Variants in AHCY observed in about 807,000 individuals in gnomAD.
AHCY encodes the protein S-adenosyl-L-homocysteine hydrolase.
AHCY carries 24 observed loss-of-function variants against 45.4 expected under a neutral mutation model. The observed-to-expected ratio is 0.53, with a 90% CI of 0.38 to 0.74. The LOEUF is 0.74. Ranked by LOEUF, AHCY falls within the 30% of genes least tolerant of loss-of-function variation. The pLI, the probability that AHCY is intolerant of heterozygous loss-of-function variation, is 0.00. For missense variants in AHCY, 449 were observed against 594.1 expected (o/e 0.76, Z 2.54); for synonymous variants, 245 against 235.1 (o/e 1.04, Z -0.39).
At chr20:34,305,352 A>ACT (rs1176247420), upstream of AHCY, among the ~76,000 whole-genome samples, 4 of 151,988 alleles carry the variant, frequency 2.6e-5, no homozygotes, top group South Asian at 2.1e-4. Flanking sequence ...AATAAGAATT[A>ACT]AGGTCTTCTA....
chr20:34,283,137 C>G (rs1601637697), intron 9 of AHCY, among the ~76,000 whole-genome samples: 1 of 152,230 alleles, frequency 6.6e-6, no homozygotes, highest in Non-Finnish European at 1.5e-5. Flanking sequence ...CCAACCCCCA[C>G]AGTACACATT....
the AHCY span, among the ~76,000 whole-genome samples, chr20:34,239,471 C>T: frequency 6.6e-6 from 1 of 152,198 alleles, no homozygotes; most frequent in Non-Finnish European, 1.5e-5. Context: ...CCCACCTCGG[C>T]CTCCCAATCA....
chr20:34,258,760 G>GAT, the AHCY span, among the ~76,000 whole-genome samples: 1 of 70,316 alleles, frequency 1.4e-5, no homozygotes, highest in Non-Finnish European at 2.7e-5. Context: ...TATAATATAT[G>GAT]ATATATATAA....
At chr20:34,246,414 A>G in the AHCY span, 2 of 1,367,010 alleles carry the variant, frequency 1.5e-6, no homozygotes, top group South Asian at 1.2e-5. Flanking sequence ...ATATATTCAC[A>G]GTACTCTGTT....
chr20:34,308,570 T>C (rs2036917693), intron 1 of AHCY, among the ~76,000 whole-genome samples: 1 of 152,046 alleles, frequency 6.6e-6, no homozygotes, highest in African/African-American at 2.4e-5. Flanking sequence ...AAATTTTTTT[T>C]AAGTATTTGA....
At chr20:34,243,930 T>C in the AHCY span, among the ~76,000 whole-genome samples, 1 of 152,050 alleles carries the variant, frequency 6.6e-6, no homozygotes, top group Non-Finnish European at 1.5e-5. Flanking sequence ...CCGGGCGTGG[T>C]GGCGGGCGCC....
chr20:34,267,952 T>TC, the AHCY span, among the ~76,000 whole-genome samples: 1 of 151,614 alleles, frequency 6.6e-6, no homozygotes, highest in Non-Finnish European at 1.5e-5. Context: ...AATAATTTAT[T>TC]TTTGTTGTGC....
rs78781944 is a variant in AHCY, at chr20:34,299,606, T to C, written c.28+3637A>G. Among the ~76,000 whole-genome samples the C allele has an allele frequency of 5.8e-4, 89 of 152,280 alleles. 4 individuals carry two copies. The East Asian group carries it at 0.017, about 29-fold the overall frequency. ...CCAGCCCAAACTACTCCCCTGAACTTGAGACTCGATGTGATCCAACTGCCT... is the reference window on the plus strand; with the variant it reads ...CCAGCCCAAACTACTCCCCTGAACTCGAGACTCGATGTGATCCAACTGCCT... On this transcript the variant is annotated intron_variant, in intron 1 of 9. Transcript: ENST00000217426.
intron 1 of AHCY, among the ~76,000 whole-genome samples, chr20:34,297,694 C>T (rs1051020537): frequency 6.6e-6 from 1 of 152,198 alleles, no homozygotes; most frequent in African/African-American, 2.4e-5. Flanking sequence ...CTACTCTCCT[C>T]AACCCTCCAA....
chr20:34,290,711 C>T lies in AHCY; in HGVS notation c.766+20G>A. On this transcript the variant is annotated intron_variant, in intron 6 of 9. Coordinates refer to ENST00000217426, the MANE Select transcript of AHCY (RefSeq NM_000687.4). The surrounding 1 kb of genome is among the most constrained non-coding windows in gnomAD (Gnocchi z 4.5). ...CCCTCTGGCCCCAGTGGCTGACAAC[C>T]AACCCTTGCCCTATCCTACCCTCCA... is the stretch of plus-strand genomic sequence containing the variant. The T allele has an allele frequency of 6.2e-7, 1 of 1,613,776 alleles. No individual in the cohort carries two copies. Among genetic ancestry groups the T allele is most frequent in the Admixed American group, 1.7e-5 (1 of 60,024 alleles).
chr20:34,249,582 A>G, the AHCY span, among the ~76,000 whole-genome samples: 7 of 152,160 alleles, frequency 4.6e-5, no homozygotes, highest in Non-Finnish European at 8.8e-5. Flanking sequence ...TAAAGGGCCA[A>G]TGGCTTGGTT....
intron 4 of AHCY, 81 bp downstream of exon 4, chr20:34,292,277 G>A: frequency 1.3e-6 from 2 of 1,519,786 alleles, no homozygotes; most frequent in Non-Finnish European, 1.8e-6. Context: ...TGGGAGTCCT[G>A]CCAGGCCTGC....
In AHCY at chr20:34,297,305, T is replaced by A. The variant is rs558074050; in HGVS notation, c.29-1720A>T. Among the ~76,000 whole-genome samples the A allele has an allele frequency of 8.5e-5, 13 of 152,060 alleles. No individual in the cohort carries two copies. In the South Asian group the frequency reaches 2.3e-3, roughly 27 times the overall value. On this transcript the variant is annotated intron_variant, in intron 1 of 9. Coordinates refer to ENST00000217426, the MANE Select transcript of AHCY (RefSeq NM_000687.4). ...ATTTAATTAATTAATTAATTAATTA[T>A]TTTAGAGACATAGTCTGGCTCTGTA...
At chr20:34,234,317 A>C in the AHCY span, among the ~76,000 whole-genome samples, 12 of 152,308 alleles carry the variant, frequency 7.9e-5, no homozygotes, top group African/African-American at 2.9e-4. Flanking sequence ...CTAGTGCCTA[A>C]GAATCAGTAA....
At chr20:34,287,422 A>T (rs1262364333) in intron 8 of AHCY, among the ~76,000 whole-genome samples, 1 of 123,642 alleles carries the variant, frequency 8.1e-6, no homozygotes, top group East Asian at 2.4e-4. Flanking sequence ...ACGGAGTCTT[A>T]CTCTGTCATC....
At chr20:34,292,207 C>A (rs910313716) in intron 4 of AHCY, 151 bp downstream of exon 4, 4 of 1,128,470 alleles carry the variant, frequency 3.5e-6, no homozygotes, top group Non-Finnish European at 3.8e-6. Flanking sequence ...TCAGGAGGCC[C>A]CAGCATGAAT....
At chr20:34,253,599 G>A in the AHCY span, among the ~76,000 whole-genome samples, 1 of 151,910 alleles carries the variant, frequency 6.6e-6, no homozygotes, top group Non-Finnish European at 1.5e-5. Flanking sequence ...AGCCTCCCAA[G>A]TAGCTGGGAT....
At chr20:34,236,007 A>AAGGAAGGAAG in the AHCY span, among the ~76,000 whole-genome samples, 4 of 98,538 alleles carry the variant, frequency 4.1e-5, no homozygotes, top group African/African-American at 4.7e-4. Flanking sequence ...AAGGAGAAAG[A>AAGGAAGGAAG]GAGAAAGAGA....
chr20:34,310,788 A>T (rs947787923), intron 1 of AHCY, among the ~76,000 whole-genome samples: 5 of 152,236 alleles, frequency 3.3e-5, no homozygotes, highest in African/African-American at 1.2e-4. Context: ...CCTAAGCGCC[A>T]CTGCACTCTG....
Sources: gnomAD v4.1 joint callset for allele counts (sites outside exome capture counted in the v4.1 genomes callset) on GRCh38, gnomAD v4.1.1 for gene constraint, Gnocchi (gnomAD v3.1) non-coding constraint, MANE v1.5 for transcripts, NCBI Gene and HGNC (gene_info 2026-07-23, HGNC 2026-07-21) for gene names.